SLC17A1: variants seen among roughly 807,000 people sequenced by gnomAD.
SLC17A1 encodes solute carrier family 17 member 1.
A neutral mutation model predicts 53.5 loss-of-function variants in SLC17A1; 51 were observed. The observed-to-expected ratio is 0.95, with a 90% CI of 0.76 to 1.20. SLC17A1 has a LOEUF of 1.20. Ranked by LOEUF, SLC17A1 falls within the 50% of genes most tolerant of loss-of-function variation. The pLI, the probability that SLC17A1 is intolerant of heterozygous loss-of-function variation, is 0.00. For missense variants in SLC17A1, 538 were observed against 568.2 expected (o/e 0.95, Z 0.54); for synonymous variants, 179 against 198.8 (o/e 0.90, Z 0.84).
chr6:25,782,372 G>C (rs1763284661), downstream of SLC17A1, among the ~76,000 whole-genome samples: 1 of 152,066 alleles, frequency 6.6e-6, no homozygotes, highest in Non-Finnish European at 1.5e-5. Context: ...TAAAGTTCAG[G>C]AACCATGACA....
chr6:25,763,663 C>A, the SLC17A1 span, among the ~76,000 whole-genome samples: 3 of 152,190 alleles, frequency 2.0e-5, no homozygotes, highest in Non-Finnish European at 4.4e-5. Context: ...TGCCCCCTCC[C>A]CCATTATCTG....
intron 10 of SLC17A1, among the ~76,000 whole-genome samples, chr6:25,807,601 C>A (rs940347444): frequency 6.6e-6 from 1 of 151,820 alleles, no homozygotes; most frequent in Non-Finnish European, 1.5e-5. Context: ...GTATTTTAAC[C>A]CTCACTCCCC....
the SLC17A1 span, among the ~76,000 whole-genome samples, chr6:25,768,690 T>G: frequency 6.6e-6 from 1 of 152,156 alleles, no homozygotes; most frequent in Non-Finnish European, 1.5e-5. Context: ...AATCCACTTC[T>G]TCCCATTCCT....
At chr6:25,759,000 G>A in the SLC17A1 span, among the ~76,000 whole-genome samples, 4 of 151,986 alleles carry the variant, frequency 2.6e-5, no homozygotes, top group South Asian at 4.2e-4. Context: ...GTTATGTCAC[G>A]GTTGTCGTTC....
the SLC17A1 span, chr6:25,726,489 G>GGC: frequency 1.2e-6 from 2 of 1,612,516 alleles, no homozygotes; most frequent in Non-Finnish European, 1.7e-6. Flanking sequence ...ACTTAGACTT[G>GGC]GCGCGTGCTT....
chr6:25,831,134 G>T (rs1033175991), intron 1 of SLC17A1, among the ~76,000 whole-genome samples: 10 of 152,110 alleles, frequency 6.6e-5, no homozygotes, highest in Non-Finnish European at 1.5e-4. Flanking sequence ...TTCGTTACAC[G>T]TCCACATGCC....
At chr6:25,810,918 G>A (rs917624725) in intron 10 of SLC17A1, among the ~76,000 whole-genome samples, 35 of 152,088 alleles carry the variant, frequency 2.3e-4, no homozygotes, top group African/African-American at 8.0e-4. Flanking sequence ...GGATACTATT[G>A]AGCCTAAAAA....
chr6:25,755,014 G>C, the SLC17A1 span, among the ~76,000 whole-genome samples: 1 of 149,056 alleles, frequency 6.7e-6, no homozygotes, highest in Non-Finnish European at 1.5e-5. Flanking sequence ...TAAAAGTATA[G>C]CTGAACAGAG....
At chr6:25,731,801 C>T in the SLC17A1 span, 4 of 1,598,504 alleles carry the variant, frequency 2.5e-6, no homozygotes, top group East Asian at 2.3e-5. Flanking sequence ...AGCTAGTGTA[C>T]TTGGTGACAG....
chr6:25,796,896 C>T (rs1023713081), intron 12 of SLC17A1, among the ~76,000 whole-genome samples: 12 of 152,188 alleles, frequency 7.9e-5, no homozygotes, highest in Admixed American at 2.6e-4. Context: ...GCTTATCGCA[C>T]AGATGAGATG....
At chr6:25,761,330 C>T in the SLC17A1 span, among the ~76,000 whole-genome samples, 2 of 152,274 alleles carry the variant, frequency 1.3e-5, no homozygotes, top group Middle Eastern at 3.4e-3. Context: ...CTTATAATCG[C>T]CTCCCTGGCA....
rs369898388 is a variant in SLC17A1, at chr6:25,821,262, A to T, written c.208-1347T>A. On this transcript the variant is annotated intron_variant, in intron 3 of 12. Transcript: ENST00000244527. ...TTCTTTTTTCTCTCCTTTTCAAGTC[A>T]CTGTCACCCTATAGCTGTGGCCTCT... 5.9e-5 allele frequency among the ~76,000 whole-genome samples: 9 copies of T among 152,110 alleles called. No homozygotes were observed. In the East Asian group the frequency reaches 1.3e-3, roughly 23 times the overall value.
chr6:25,766,231 A>G, the SLC17A1 span, among the ~76,000 whole-genome samples: 1 of 151,590 alleles, frequency 6.6e-6, no homozygotes, highest in Non-Finnish European at 1.5e-5. Context: ...ATACATGTCA[A>G]AAAACAACTA....
chr6:25,726,924 T>A, the SLC17A1 span: 1 of 1,613,286 alleles, frequency 6.2e-7, no homozygotes, highest in Non-Finnish European at 8.5e-7. Context: ...GGAGGTGTCA[T>A]CTAAAGGTGC....
intron 12 of SLC17A1, among the ~76,000 whole-genome samples, chr6:25,791,191 A>G (rs1763493097): frequency 6.6e-6 from 1 of 152,162 alleles, no homozygotes; most frequent in African/African-American, 2.4e-5. Flanking sequence ...TATAACTACC[A>G]ATTTCTCCCC....
intron 6 of SLC17A1, among the ~76,000 whole-genome samples, chr6:25,814,999 A>T (rs1438836329): frequency 0.064 from 3,778 of 59,372 alleles, 155 homozygotes; most frequent in East Asian, 0.26. Flanking sequence ...AAACACACAC[A>T]CACACACACA....
At chr6:25,794,200 A>C (rs1440987447) in intron 12 of SLC17A1, among the ~76,000 whole-genome samples, 6 of 152,102 alleles carry the variant, frequency 3.9e-5, no homozygotes, top group Non-Finnish European at 7.4e-5. Context: ...TTTCTCTATA[A>C]ACAGTGAACT....
chr6:25,788,389 T>C (rs1763429083), intron 12 of SLC17A1, among the ~76,000 whole-genome samples: 3 of 152,304 alleles, frequency 2.0e-5, no homozygotes, highest in Non-Finnish European at 4.4e-5. Context: ...CTTTTCTTGG[T>C]GCCCTAAACA....
the SLC17A1 span, chr6:25,770,341 C>A: frequency 6.2e-7 from 1 of 1,613,736 alleles, no homozygotes; most frequent in Non-Finnish European, 8.5e-7. Flanking sequence ...ATATAGGTTC[C>A]AGAATGACCT....
Sources: gnomAD v4.1 joint callset for allele counts (sites outside exome capture counted in the v4.1 genomes callset) on GRCh38, gnomAD v4.1.1 for gene constraint, MANE v1.5 for transcripts, NCBI Gene and HGNC (gene_info 2026-07-23, HGNC 2026-07-21) for gene names.